Variants in ADGRB3 observed in about 807,000 individuals in gnomAD.
The protein encoded by ADGRB3 is brain-specific angiogenesis inhibitor 3.
Under a neutral mutation model 193.4 loss-of-function variants are expected in ADGRB3, and 37 were observed. The observed-to-expected ratio is 0.19, with a 90% CI of 0.15 to 0.25. The LOEUF (loss-of-function observed/expected upper bound fraction) is 0.25, where lower values mean the gene tolerates loss of function less well. Ranked by LOEUF, ADGRB3 falls within the 10% of genes least tolerant of loss-of-function variation. The probability of loss-of-function intolerance (pLI) is 1.00; values close to 1 mark genes in which losing one functional copy is unlikely to be tolerated. For synonymous variants in ADGRB3, 690 were observed against 644.2 expected (o/e 1.07, Z -1.08); for missense variants, 1,637 against 1,852.9 (o/e 0.88, Z 2.14).
chr6:68,708,371 G>T (rs1410200832), intron 3 of ADGRB3, among the ~76,000 whole-genome samples: 6 of 152,132 alleles, frequency 3.9e-5, no homozygotes, highest in African/African-American at 1.4e-4. Context: ...ACCTCAAAAT[G>T]TATCTGGGGT....
intron 31 of ADGRB3, among the ~76,000 whole-genome samples, chr6:69,388,029 T>C (rs755043428): frequency 2.6e-5 from 4 of 152,078 alleles, no homozygotes; most frequent in Non-Finnish European, 5.9e-5. Context: ...AAGAGGGAAA[T>C]ATCTTTCAAA....
intron 3 of ADGRB3, among the ~76,000 whole-genome samples, chr6:68,807,742 A>G (rs951566597): frequency 6.6e-6 from 1 of 152,126 alleles, no homozygotes; most frequent in Non-Finnish European, 1.5e-5. Flanking sequence ...AGTGAGAACT[A>G]AAAAAACTGT....
chr6:68,848,800 A>G (rs564784869), intron 3 of ADGRB3, among the ~76,000 whole-genome samples: 1 of 152,154 alleles, frequency 6.6e-6, no homozygotes, highest in African/African-American at 2.4e-5. Flanking sequence ...TCTCAGGTAC[A>G]GTCCTATCAA....
chr6:68,804,991 A>C (rs2127372782), intron 3 of ADGRB3, among the ~76,000 whole-genome samples: 1 of 151,992 alleles, frequency 6.6e-6, no homozygotes, highest in Non-Finnish European at 1.5e-5. Context: ...GCAGTGGCAT[A>C]ATCATAGTTG....
chr6:69,043,070 C>A (rs1771117470), intron 13 of ADGRB3, among the ~76,000 whole-genome samples: 1 of 152,050 alleles, frequency 6.6e-6, no homozygotes, highest in Non-Finnish European at 1.5e-5. Context: ...GTCTTGGCTG[C>A]AGTGGAAATA....
At chr6:68,688,552 T>C (rs1364391666) in intron 3 of ADGRB3, among the ~76,000 whole-genome samples, 1 of 152,156 alleles carries the variant, frequency 6.6e-6, no homozygotes, top group East Asian at 1.9e-4. Flanking sequence ...CCACGGCCAT[T>C]GTTTAGCCAC....
intron 3 of ADGRB3, among the ~76,000 whole-genome samples, chr6:68,811,922 G>A (rs1208292884): frequency 1.3e-5 from 2 of 152,200 alleles, no homozygotes; most frequent in African/African-American, 4.8e-5. Flanking sequence ...ATATGAAAAT[G>A]TGATCAAACC....
chr6:69,366,374 AT>A lies in ADGRB3; in HGVS notation c.4239+4866del, dbSNP rs1281012320. Among the ~76,000 whole-genome samples the A allele has an allele frequency of 2.0e-4, 31 of 152,228 alleles. No individual in the cohort carries two copies. In the East Asian group the frequency reaches 5.4e-3, roughly 27 times the overall value. ...GTTTATTGGTCACTTTGTAATAGAA[AT>A]TTTAATGGCATATTGCCATTCATTA... On this transcript the variant is annotated intron_variant, in intron 29 of 31. Transcript: ENST00000370598.
chr6:68,851,324 C>G (rs1476004872), intron 3 of ADGRB3, among the ~76,000 whole-genome samples: 2 of 151,610 alleles, frequency 1.3e-5, no homozygotes, highest in African/African-American at 4.8e-5. Context: ...ATCGTCTTTC[C>G]TTTTCTGGAC....
chr6:68,756,297 T>G (rs1490590318), intron 3 of ADGRB3, among the ~76,000 whole-genome samples: 1 of 152,202 alleles, frequency 6.6e-6, no homozygotes, highest in Non-Finnish European at 1.5e-5. Flanking sequence ...TAACGCTGCT[T>G]CCTTCCTATC....
At chr6:69,232,707 T>C in intron 17 of ADGRB3, 2 of 1,289,350 alleles carry the variant, frequency 1.6e-6, no homozygotes, top group East Asian at 2.6e-5. Context: ...TGCTGCTGCT[T>C]CCCGTTTCCA....
At chr6:69,145,259 A>G (rs1774454158) in intron 17 of ADGRB3, among the ~76,000 whole-genome samples, 2 of 152,202 alleles carry the variant, frequency 1.3e-5, no homozygotes, top group Admixed American at 6.5e-5. Context: ...ATAGCCAGGC[A>G]TGTTGGCTGC....
At chr6:68,948,162 GAGAA>G (rs1037359438) in intron 6 of ADGRB3, among the ~76,000 whole-genome samples, 14 of 152,164 alleles carry the variant, frequency 9.2e-5, no homozygotes, top group Non-Finnish European at 2.1e-4. Context: ...TATATTAGCT[GAGAA>G]AGAAGAATAT....
intron 3 of ADGRB3, among the ~76,000 whole-genome samples, chr6:68,878,140 A>G (rs534489983): frequency 6.6e-6 from 1 of 152,196 alleles, no homozygotes; most frequent in East Asian, 1.9e-4. Context: ...GGATTTTAAT[A>G]TAGTTAAATA....
chr6:68,693,361 C>G (rs969021760), intron 3 of ADGRB3, among the ~76,000 whole-genome samples: 1 of 151,818 alleles, frequency 6.6e-6, no homozygotes, highest in Admixed American at 6.6e-5. Flanking sequence ...GTGTACACTC[C>G]TTAAAAATGT....
chr6:69,049,210 G>A (rs987595675), intron 14 of ADGRB3, 61 bp from the exon 15 acceptor site: 3 of 1,277,596 alleles, frequency 2.3e-6, no homozygotes, highest in Non-Finnish European at 3.3e-6. Context: ...GCAGATTAAA[G>A]TTTTATAAGA....
chr6:69,309,017 G>A (rs1768123853), intron 20 of ADGRB3, among the ~76,000 whole-genome samples: 1 of 151,644 alleles, frequency 6.6e-6, no homozygotes, highest in Admixed American at 6.6e-5. Flanking sequence ...TGAGAACAAG[G>A]AAAGAACAAA....
chr6:69,327,816 G>T lies in ADGRB3; in HGVS notation c.2966-4G>T, dbSNP rs2127311312. On this transcript the variant is annotated splice_polypyrimidine_tract_variant and splice_region_variant and intron_variant, in intron 21 of 31. Coordinates refer to ENST00000370598, the MANE Select transcript of ADGRB3 (RefSeq NM_001704.3). The stretch of plus-strand genomic sequence containing the variant: ...ATGAATGCGTGACATTGCTTTTCTT[G>T]CAGGTTTACCAGCATTAGTAGTGGC... 6.2e-6 allele frequency: 10 copies of T among 1,604,804 alleles called. No homozygotes were observed. The highest frequency in any genetic ancestry group is 8.5e-6 in the Non-Finnish European group (10 of 1,173,234).
chr6:68,772,996 G>C (rs1390062062), intron 3 of ADGRB3, among the ~76,000 whole-genome samples: 1 of 145,180 alleles, frequency 6.9e-6, no homozygotes. Context: ...CACGCCTTTA[G>C]TCCTAGCTAC....
Sources: allele counts gnomAD v4.1 joint callset (sites outside exome capture counted in the v4.1 genomes callset), GRCh38; gene constraint gnomAD v4.1.1; transcripts MANE v1.5; gene names NCBI Gene and HGNC (gene_info 2026-07-23, HGNC 2026-07-21).